Variants in PLCB1 observed in about 807,000 individuals in gnomAD.
The protein encoded by PLCB1 is 1-phosphatidylinositol 4,5-bisphosphate phosphodiesterase beta-1.
In PLCB1, 46 loss-of-function variants were observed where a neutral mutation model predicts 161.8. The observed-to-expected ratio is 0.28, with a 90% CI of 0.22 to 0.36. The LOEUF is 0.36. PLCB1 is among the 10% of genes least tolerant of loss of function. The pLI is 1.00. For synonymous variants in PLCB1, 517 were observed against 503.7 expected, an observed-to-expected ratio of 1.03 and a Z score of -0.35; for missense variants, 1,016 against 1,472.5, an observed-to-expected ratio of 0.69 and a Z score of 5.07.
chr20:8,765,481 C>G, intron 26 of PLCB1, 123 bp downstream of exon 26: 1 of 679,126 alleles, frequency 1.5e-6, no homozygotes, highest in Non-Finnish European at 2.5e-6. Context: ...AACCTCCGTT[C>G]TCCATAGCTT....
intron 31 of PLCB1, among the ~76,000 whole-genome samples, chr20:8,816,462 G>A (rs938570260): frequency 6.6e-6 from 1 of 152,170 alleles, no homozygotes; most frequent in African/African-American, 2.4e-5. Context: ...AGTTTGAAGA[G>A]TAAAGCAAAG....
At chr20:8,345,799 C>G (rs1474196050) in intron 2 of PLCB1, among the ~76,000 whole-genome samples, 1 of 152,186 alleles carries the variant, frequency 6.6e-6, no homozygotes, top group Non-Finnish European at 1.5e-5. Flanking sequence ...TAAGCTGATC[C>G]AGGCACAAAG....
intron 3 of PLCB1, among the ~76,000 whole-genome samples, chr20:8,563,726 T>C (rs1375158626): frequency 6.6e-6 from 1 of 151,958 alleles, no homozygotes; most frequent in Non-Finnish European, 1.5e-5. Flanking sequence ...AGCCAAATCA[T>C]AGTGAACTCC....
chr20:8,876,247 CTTAAAT>C (rs1173067021), intron 31 of PLCB1, among the ~76,000 whole-genome samples: 1 of 152,182 alleles, frequency 6.6e-6, no homozygotes, highest in African/African-American at 2.4e-5. Flanking sequence ...AACAACTCAT[CTTAAAT>C]TTAGAGGTTA....
intron 3 of PLCB1, chr20:8,372,192 G>C (rs1490301359): frequency 6.6e-6 from 1 of 152,112 alleles, no homozygotes; most frequent in African/African-American, 2.4e-5. Flanking sequence ...GGCAAACATA[G>C]AAGTACAGTT....
At chr20:8,668,286 C>A (rs1174125572) in intron 9 of PLCB1, among the ~76,000 whole-genome samples, 7 of 152,114 alleles carry the variant, frequency 4.6e-5, no homozygotes, top group Non-Finnish European at 7.4e-5. Flanking sequence ...TCAAAAATCT[C>A]TTATGGAGAT....
chr20:8,607,416 T>C (rs1461308054), intron 3 of PLCB1, among the ~76,000 whole-genome samples: 1 of 152,236 alleles, frequency 6.6e-6, no homozygotes, highest in Non-Finnish European at 1.5e-5. Context: ...TAAGAGCCCT[T>C]GTGACTTGGA....
chr20:8,561,294 T>C (rs1986131687), intron 3 of PLCB1, among the ~76,000 whole-genome samples: 1 of 152,012 alleles, frequency 6.6e-6, no homozygotes, highest in South Asian at 2.1e-4. Context: ...AAATTTAGTA[T>C]CTTTAACTTA....
chr20:8,522,061 G>A (rs1270002262), intron 3 of PLCB1, among the ~76,000 whole-genome samples: 2 of 152,172 alleles, frequency 1.3e-5, no homozygotes, highest in Non-Finnish European at 2.9e-5. Context: ...TGAGAGCCAA[G>A]AGTCACCTTC....
chr20:8,832,904 G>A (rs1289924562), intron 31 of PLCB1, among the ~76,000 whole-genome samples: 1 of 152,170 alleles, frequency 6.6e-6, no homozygotes, highest in African/African-American at 2.4e-5. Context: ...TCGGCAGCTG[G>A]ACAACCTTAA....
At chr20:8,446,781 T>C (rs1407782096) in intron 3 of PLCB1, among the ~76,000 whole-genome samples, 2 of 152,192 alleles carry the variant, frequency 1.3e-5, no homozygotes, top group Non-Finnish European at 2.9e-5. Flanking sequence ...TTAGTAGCTC[T>C]TTGTACAGTC....
chr20:8,852,259 T>C (rs1986915179), intron 31 of PLCB1, among the ~76,000 whole-genome samples: 1 of 152,220 alleles, frequency 6.6e-6, no homozygotes, highest in South Asian at 2.1e-4. Context: ...ATCCATCATT[T>C]TTCTAACTCC....
Position 8,519,942 on chromosome 20 carries a change from T to C in PLCB1, c.247-108352T>C, listed in dbSNP as rs545898532. Among the ~76,000 whole-genome samples, 4 of 152,296 alleles carry C rather than the reference T, an allele frequency of 2.6e-5. No homozygotes were observed. The South Asian group carries it at 8.3e-4, about 32-fold the overall frequency. On this transcript the variant is annotated intron_variant, in intron 3 of 31. Transcript: ENST00000338037. Reference sequence around the variant, plus strand: ...ACCATCAGTTTAAGCGTCTCTATATTATAAGAAATTCTGACTCAGGCTACT... The same window carrying C: ...ACCATCAGTTTAAGCGTCTCTATATCATAAGAAATTCTGACTCAGGCTACT...
intron 2 of PLCB1, among the ~76,000 whole-genome samples, chr20:8,156,360 A>T (rs1282741025): frequency 1.3e-5 from 2 of 152,108 alleles, no homozygotes; most frequent in Non-Finnish European, 2.9e-5. Flanking sequence ...TGTTCCCCTT[A>T]TGGGCTTCCT....
chr20:8,274,989 C>T (rs535899857), intron 2 of PLCB1, among the ~76,000 whole-genome samples: 6 of 152,196 alleles, frequency 3.9e-5, no homozygotes, highest in South Asian at 2.1e-4. Context: ...AATCTTGCTT[C>T]GATGCCCCTT....
intron 3 of PLCB1, among the ~76,000 whole-genome samples, chr20:8,531,346 G>C (rs1984807047): frequency 6.6e-6 from 1 of 152,052 alleles, no homozygotes; most frequent in African/African-American, 2.4e-5. Flanking sequence ...TAGTACATGT[G>C]TTATGATGTT....
chr20:8,767,953 G>A lies in PLCB1; in HGVS notation c.2930+2595G>A, dbSNP rs999520679. Among the ~76,000 whole-genome samples, 5 of 152,258 alleles carry A rather than the reference G, an allele frequency of 3.3e-5. 1 individual carries two copies. The highest frequency in any genetic ancestry group is 1.2e-4 in the African/African-American group (5 of 41,544). On this transcript the variant is annotated intron_variant, in intron 26 of 31. Transcript: ENST00000338037. ...AATCCCAGCACTTTGGGAGGCTAAG[G>A]TGGGAGGATCACTTGAGACCAGCCT...
chr20:8,565,819 A>T (rs527661984), intron 3 of PLCB1, among the ~76,000 whole-genome samples: 1 of 152,190 alleles, frequency 6.6e-6, no homozygotes, highest in East Asian at 1.9e-4. Context: ...TACCTGCAAA[A>T]CGGAGGTGAA....
chr20:8,290,916 T>G (rs1983353484), intron 2 of PLCB1, among the ~76,000 whole-genome samples: 1 of 152,008 alleles, frequency 6.6e-6, no homozygotes, highest in Admixed American at 6.6e-5. Context: ...ATATAAATTA[T>G]AAGTTACAAC....
Sources: allele counts gnomAD v4.1 joint callset (sites outside exome capture counted in the v4.1 genomes callset), GRCh38; gene constraint gnomAD v4.1.1; transcripts MANE v1.5; gene names NCBI Gene and HGNC (gene_info 2026-07-23, HGNC 2026-07-21).